RCAN2: variants seen among roughly 807,000 people sequenced by gnomAD.
RCAN2 encodes the protein regulator of calcineurin 2.
A neutral mutation model predicts 23.6 loss-of-function variants in RCAN2; 9 were observed. The observed-to-expected ratio is 0.38, with a 90% CI of 0.23 to 0.67. The LOEUF is 0.67. Among genes scored for constraint, RCAN2 ranks in the 30% least tolerant of loss-of-function variants. RCAN2 has a pLI of 0.51. For missense variants in RCAN2, 273 were observed against 302.3 expected (o/e 0.90, Z 0.72); for synonymous variants, 109 against 115.7 (o/e 0.94, Z 0.37).
At chr6:46,288,374 G>T (rs1392592217) in intron 2 of RCAN2, among the ~76,000 whole-genome samples, 2 of 152,206 alleles carry the variant, frequency 1.3e-5, no homozygotes, top group African/African-American at 4.8e-5. Flanking sequence ...AGCAAGTAAG[G>T]TGTGATGTGA....
chr6:46,314,359 CA>C (rs537111154), intron 2 of RCAN2, among the ~76,000 whole-genome samples: 2,126 of 91,846 alleles, frequency 0.023, 19 homozygotes, highest in African/African-American at 0.047. Context: ...GAGACTCTGT[CA>C]AAAAAAAAAA....
intron 2 of RCAN2, among the ~76,000 whole-genome samples, chr6:46,271,031 GA>G (rs575988158): frequency 9.1e-4 from 139 of 152,338 alleles, no homozygotes; most frequent in Non-Finnish European, 1.6e-3. Flanking sequence ...TACATACTGT[GA>G]GAGAATACAC....
At chr6:46,331,977 C>T (rs1763988008) in intron 2 of RCAN2, among the ~76,000 whole-genome samples, 1 of 152,154 alleles carries the variant, frequency 6.6e-6, no homozygotes, top group Non-Finnish European at 1.5e-5. Flanking sequence ...ATTAATGCAA[C>T]CAGAAAGAGT....
At chr6:46,364,604 T>C (rs1456602770) in intron 2 of RCAN2, among the ~76,000 whole-genome samples, 9 of 152,184 alleles carry the variant, frequency 5.9e-5, no homozygotes, top group Admixed American at 5.2e-4. Flanking sequence ...CTAGGGGTCG[T>C]CTCACAAATT....
At chr6:46,328,516 A>C (rs995815948) in intron 2 of RCAN2, among the ~76,000 whole-genome samples, 4 of 152,226 alleles carry the variant, frequency 2.6e-5, no homozygotes, top group Non-Finnish European at 4.4e-5. Flanking sequence ...GGTTTTTAAT[A>C]GTCATTCGTC....
chr6:46,351,593 G>C (rs185356996), intron 2 of RCAN2, among the ~76,000 whole-genome samples: 1 of 152,166 alleles, frequency 6.6e-6, no homozygotes, highest in African/African-American at 2.4e-5. Context: ...AAATTTAATA[G>C]CTCCTCTAGT....
At chr6:46,242,620 C>T (rs182696844) in intron 4 of RCAN2, among the ~76,000 whole-genome samples, 1 of 152,242 alleles carries the variant, frequency 6.6e-6, no homozygotes, top group Non-Finnish European at 1.5e-5. Context: ...TGTTTCTGTA[C>T]TTCTGGAACT....
chr6:46,405,341 G>C (rs1766367981), intron 2 of RCAN2, among the ~76,000 whole-genome samples: 1 of 152,110 alleles, frequency 6.6e-6, no homozygotes, highest in Non-Finnish European at 1.5e-5. Context: ...AGGGTGGAAG[G>C]GGACCCGAGC....
At chr6:46,283,052 C>A (rs1378021257) in intron 2 of RCAN2, among the ~76,000 whole-genome samples, 2 of 152,128 alleles carry the variant, frequency 1.3e-5, no homozygotes, top group Admixed American at 1.3e-4. Context: ...AGGCAATAAG[C>A]CTTTACTGAC....
chr6:46,268,419 GT>G (rs949919373), intron 2 of RCAN2, among the ~76,000 whole-genome samples: 29 of 152,214 alleles, frequency 1.9e-4, no homozygotes, highest in African/African-American at 7.0e-4. Context: ...AATGGATCGG[GT>G]TTTTCACCTG....
At position 46,352,453 on chromosome 6, in the gene RCAN2, C is replaced by A. The variant is rs570670343; in HGVS notation, c.226-103557G>T. On this transcript the variant is annotated intron_variant, in intron 2 of 4. Transcript: ENST00000371374. ...TGAGTTTTGGGGCCTGAGACCAGAG[C>A]AGGAAAGTTATATAATCAGAATCAG... Among the ~76,000 whole-genome samples the A allele has an allele frequency of 1.4e-4, 21 of 152,240 alleles. No homozygotes were observed. The South Asian group carries it at 4.4e-3, about 32-fold the overall frequency.
intron 2 of RCAN2, among the ~76,000 whole-genome samples, chr6:46,334,868 G>C (rs917513376): frequency 6.6e-6 from 1 of 152,072 alleles, no homozygotes; most frequent in African/African-American, 2.4e-5. Flanking sequence ...GCCTTAATTC[G>C]TTCTTTAGGA....
chr6:46,438,231 G>A (rs1237340967), intron 2 of RCAN2: 1 of 152,214 alleles, frequency 6.6e-6, no homozygotes, highest in Admixed American at 6.5e-5. Flanking sequence ...TGTTGTACAG[G>A]TACAAGGCGT....
chr6:46,247,596 C>T (rs1001703343), intron 3 of RCAN2, among the ~76,000 whole-genome samples: 4 of 152,204 alleles, frequency 2.6e-5, no homozygotes, highest in South Asian at 2.1e-4. Context: ...AGTAGAATCA[C>T]AGAATATGTG....
intron 2 of RCAN2, among the ~76,000 whole-genome samples, chr6:46,444,585 T>C (rs1196553539): frequency 6.6e-6 from 1 of 151,832 alleles, no homozygotes; most frequent in South Asian, 2.1e-4. Context: ...CTTTGCCAGG[T>C]TGGCAACCCT....
At chr6:46,394,039 T>G (rs957405397) in intron 2 of RCAN2, among the ~76,000 whole-genome samples, 1 of 152,176 alleles carries the variant, frequency 6.6e-6, no homozygotes, top group Non-Finnish European at 1.5e-5. Flanking sequence ...TCAAACAATG[T>G]GAAAGATGAC....
At chr6:46,372,906 G>A (rs1353545400) in intron 2 of RCAN2, among the ~76,000 whole-genome samples, 1 of 152,208 alleles carries the variant, frequency 6.6e-6, no homozygotes, top group Non-Finnish European at 1.5e-5. Context: ...AGATCTGGAA[G>A]GAGAATTAGA....
intron 2 of RCAN2, among the ~76,000 whole-genome samples, chr6:46,260,646 C>T (rs1256432921): frequency 6.6e-6 from 1 of 152,146 alleles, no homozygotes; most frequent in Non-Finnish European, 1.5e-5. Context: ...CCTCTCATTA[C>T]GTGAACCCAG....
chr6:46,478,454 C>T (rs1171287313), intron 1 of RCAN2, among the ~76,000 whole-genome samples: 1 of 151,996 alleles, frequency 6.6e-6, no homozygotes, highest in Non-Finnish European at 1.5e-5. Context: ...AAAAAAAGTC[C>T]CCTCTTTTAC....
Sources: allele counts gnomAD v4.1 joint callset (sites outside exome capture counted in the v4.1 genomes callset), GRCh38; gene constraint gnomAD v4.1.1; transcripts MANE v1.5; gene names NCBI Gene and HGNC (gene_info 2026-07-23, HGNC 2026-07-21).